MN1: variants seen among roughly 807,000 people sequenced by gnomAD.
MN1 encodes transcriptional activator MN1.
A neutral mutation model predicts 86.9 loss-of-function variants in MN1; 19 were observed. The observed-to-expected ratio is 0.22, with a 90% CI of 0.15 to 0.32. The LOEUF is 0.32. MN1 is among the 10% of genes least tolerant of loss of function. The pLI is 1.00. For synonymous variants in MN1, 928 were observed against 849.6 expected (o/e 1.09, Z -1.60); for missense variants, 1,841 against 1,862.0 (o/e 0.99, Z 0.21).
rs745680315 is a variant in MN1, at chr22:27,749,342, G to A, written c.*1573C>T. 21 of 232,062 alleles carry A rather than the reference G, an allele frequency of 9.0e-5. No homozygotes were observed. Among genetic ancestry groups the A allele is most frequent in the Middle Eastern group, 1.3e-3 (1 of 800 alleles). 14.4% of individuals were successfully genotyped at this position (232,062 alleles called of 1,614,324 possible). A position where few individuals can be genotyped will look rare whatever the true frequency, so the allele number is the denominator to read the frequency against. On this transcript the variant is annotated 3_prime_UTR_variant, in exon 2 of 2. Transcript: ENST00000302326. ...ACTCTGAGGACCTGGAGGGGGTGGG[G>A]GAGCTCAAAGTGGAGCGTTTTAGTA...
In MN1 at chr22:27,798,982, G is replaced by C. The variant is rs1329898903; in HGVS notation, c.1562C>G (p.Ser521Cys). 6.2e-7 allele frequency: 1 copy of C among 1,602,062 alleles called. No homozygotes were observed. Among genetic ancestry groups the C allele is most frequent in the Non-Finnish European group, 8.5e-7 (1 of 1,175,302 alleles). ...CTGCTGCTGCTGCTGCTGTTGCAGG[G>C]ACTGGTGGTCCGGGGCCGGATGCTG... is the stretch of plus-strand genomic sequence containing the variant. ...PLQHPAPDHQ[S>C]LQQQQQQQQQ... The change falls in exon 1 of 2, where the codon TCC (serine) becomes TGC (cysteine). Residue 521 changes from serine to cysteine, a missense_variant. By Grantham distance (112) the Ser-to-Cys change is moderately radical. Transcript: ENST00000302326.
In MN1 at chr22:27,779,329, G is replaced by C. The variant is rs376920799; in HGVS notation, c.3781+17434C>G. On this transcript the variant is annotated intron_variant, in intron 1 of 1. Coordinates refer to ENST00000302326, the MANE Select transcript of MN1 (RefSeq NM_002430.3). The stretch of plus-strand genomic sequence containing the variant: ...GCCACTGGATAGAATAGCTGACTGA[G>C]GATCAGTGAGGCAGCACGGCCTTGC... Among the ~76,000 whole-genome samples, 19 of 152,290 alleles carry C rather than the reference G, an allele frequency of 1.2e-4. 1 individual carries two copies. In the East Asian group the frequency reaches 2.1e-3, roughly 17 times the overall value.
Position 27,798,812 on chromosome 22 carries a change from G to C in MN1, c.1732C>G (p.Leu578Val). 1.3e-6 allele frequency: 2 copies of C among 1,536,968 alleles called. No homozygotes were observed. Among genetic ancestry groups the C allele is most frequent in the Non-Finnish European group, 1.7e-6 (2 of 1,146,350 alleles). ...TGGCCCACGTCCCCGGGGTGGCCTA[G>C]CTGAGCCAGGTTGGGCTGGCGCAGC... The part of the protein sequence containing the change: ...QRLRQPNLAQ[L>V]GHPGDVGQGG... The change falls in exon 1 of 2, where the codon CTA becomes GTA. Residue 578 changes from leucine (L) to valine (V), a missense_variant. Transcript: ENST00000302326.
In MN1 at chr22:27,798,186, C is replaced by A; in HGVS notation, c.2358G>T (p.Pro786=). Reference sequence around the variant, plus strand: ...GGCTGGGCTGGAAATCAGGCTGCGGCGGGTAGGCACCCCCGCCACCGCCGC... The same window carrying A: ...GGCTGGGCTGGAAATCAGGCTGCGGAGGGTAGGCACCCCCGCCACCGCCGC... ...SGGGGGGGAY[P]PQPDFQPSQR... The change falls in exon 1 of 2, where the codon CCG becomes CCT. Residue 786 remains proline (P), a synonymous_variant. Coordinates refer to ENST00000302326, the MANE Select transcript of MN1 (RefSeq NM_002430.3). 1.3e-6 allele frequency: 2 copies of A among 1,553,682 alleles called. No homozygotes were observed. The highest frequency in any genetic ancestry group is 1.4e-5 in the African/African-American group (1 of 73,316).
In MN1 at chr22:27,799,505, G is replaced by A. The variant is rs749119867; in HGVS notation, c.1039C>T (p.Pro347Ser). 1 of 1,452,920 alleles carries A rather than the reference G, an allele frequency of 6.9e-7. No individual in the cohort carries two copies. The allele number at this position is 1,452,920 out of a possible 1,614,324, so 90.0% of individuals were successfully genotyped here. ...TGCTGCGGGGGCTGCTGCTGAGGGG[G>A]TGGCGGGGCCTGCTGGGGAGGCTGC... ...LMQPPQQAPP[P>S]PQQQPPQQPP... Residue 347 changes from proline (P) to serine (S), a missense_variant, in exon 1 of 2, where the codon CCC (proline) becomes TCC (serine). Pro to Ser is a moderately conservative substitution (Grantham distance 74). Transcript: ENST00000302326.
intron 1 of MN1, among the ~76,000 whole-genome samples, chr22:27,791,070 T>C (rs1443280183): frequency 6.6e-6 from 1 of 151,886 alleles, no homozygotes; most frequent in Non-Finnish European, 1.5e-5. Flanking sequence ...TGGATGGAAA[T>C]ACACTCGGCC....
rs1933430026 is a variant in MN1, at chr22:27,801,121, T to C, written c.-578A>G. ...GTCCCCGCGCCCCGCAGCCCGAGCC[T>C]CCACCGAGCACGATCCGCTCGCACA... On this transcript the variant is annotated 5_prime_UTR_variant, in exon 1 of 2. Transcript: ENST00000302326. The C allele has an allele frequency of 4.4e-6, 1 of 224,786 alleles. No homozygotes were observed. Among genetic ancestry groups the C allele is most frequent in the Non-Finnish European group, 8.9e-6 (1 of 112,624 alleles). 13.9% of individuals were successfully genotyped at this position (224,786 alleles called of 1,614,324 possible).
chr22:27,767,264 G>A (rs45606940), intron 1 of MN1, among the ~76,000 whole-genome samples: 5 of 152,166 alleles, frequency 3.3e-5, no homozygotes, highest in East Asian at 1.9e-4. Context: ...CTGAGCCCCC[G>A]GACAGACCTG....
intron 1 of MN1, among the ~76,000 whole-genome samples, chr22:27,792,736 C>T (rs900190924): frequency 1.3e-5 from 2 of 152,040 alleles, no homozygotes; most frequent in Non-Finnish European, 2.9e-5. Context: ...CTTCCGGAGG[C>T]GCAAAAGTCA....
chr22:27,756,124 T>C (rs775034876), intron 1 of MN1, among the ~76,000 whole-genome samples: 125 of 152,316 alleles, frequency 8.2e-4, no homozygotes, highest in East Asian at 4.1e-3. Flanking sequence ...CCTGCAGGGC[T>C]GGGCCCGGGG....
chr22:27,767,295 T>C (rs1027364675), intron 1 of MN1, among the ~76,000 whole-genome samples: 21 of 152,226 alleles, frequency 1.4e-4, no homozygotes, highest in Non-Finnish European at 1.6e-4. Context: ...TTTCAAGGCT[T>C]CCTGGGTGCC....
chr22:27,755,710 G>A (rs942093276), intron 1 of MN1, among the ~76,000 whole-genome samples: 3 of 152,240 alleles, frequency 2.0e-5, no homozygotes, highest in African/African-American at 4.8e-5. Flanking sequence ...TCTGCCCCCT[G>A]CTCACCCCGC....
chr22:27,749,000 C>T lies in MN1; in HGVS notation c.*1915G>A, dbSNP rs145466523. On this transcript the variant is annotated 3_prime_UTR_variant, in exon 2 of 2. Transcript: ENST00000302326. The stretch of plus-strand genomic sequence containing the variant: ...GGTGGGGGGAAATTCCCTTCCCTTT[C>T]CATTCCTTTTGTAGCAGAACGCAGG... The T allele has an allele frequency of 6.7e-4, 155 of 231,612 alleles. No homozygotes were observed. Among genetic ancestry groups the T allele is most frequent in the African/African-American group, 3.2e-3 (147 of 45,366 alleles). 14.3% of individuals were successfully genotyped at this position (231,612 alleles called of 1,614,324 possible).
chr22:27,775,563 G>A (rs957997056), intron 1 of MN1, among the ~76,000 whole-genome samples: 8 of 152,156 alleles, frequency 5.3e-5, no homozygotes, highest in African/African-American at 1.7e-4. Flanking sequence ...ATGCATATGA[G>A]TGGCATCTTG....
intron 1 of MN1, among the ~76,000 whole-genome samples, chr22:27,765,412 GA>G (rs200424278): frequency 0.017 from 1,501 of 86,310 alleles, 20 homozygotes; most frequent in African/African-American, 0.098. Context: ...GTTGCTGTTA[GA>G]AAAAAAAAAG....
intron 1 of MN1, among the ~76,000 whole-genome samples, chr22:27,781,206 C>T (rs941788288): frequency 3.3e-5 from 5 of 152,222 alleles, no homozygotes; most frequent in African/African-American, 9.6e-5. Context: ...GCTGGGATTA[C>T]AAGCATGAGC....
chr22:27,769,399 A>AC (rs1199248425), intron 1 of MN1, among the ~76,000 whole-genome samples: 3 of 151,304 alleles, frequency 2.0e-5, no homozygotes, highest in Admixed American at 2.0e-4. Context: ...TAAAATTCAC[A>AC]CCCCCAGCCT....
chr22:27,754,891 C>G (rs1932792735), intron 1 of MN1, among the ~76,000 whole-genome samples: 1 of 152,198 alleles, frequency 6.6e-6, no homozygotes, highest in South Asian at 2.1e-4. Flanking sequence ...GAGTGCTGTT[C>G]TGTTTTCCAC....
At position 27,750,815 on chromosome 22, in the gene MN1, G is replaced by GC. The variant is rs1932756843; in HGVS notation, c.*99dup. ...AAAACTCATCCACTCAGCAATAGTG[G>GC]CCCTTTCAAATTAACAGAGGGGTGG... is the stretch of plus-strand genomic sequence containing the variant. On this transcript the variant is annotated 3_prime_UTR_variant, in exon 2 of 2. Coordinates refer to ENST00000302326, the MANE Select transcript of MN1 (RefSeq NM_002430.3). The GC allele has an allele frequency of 2.8e-6, 3 of 1,069,892 alleles. No individual in the cohort carries two copies. The African/African-American group carries it at 4.8e-5, about 17-fold the overall frequency. 66.3% of individuals were successfully genotyped at this position (1,069,892 alleles called of 1,614,324 possible).
Sources: gnomAD v4.1 joint callset for allele counts (sites outside exome capture counted in the v4.1 genomes callset) on GRCh38, gnomAD v4.1.1 for gene constraint, MANE v1.5 for transcripts, NCBI Gene and HGNC (gene_info 2026-07-23, HGNC 2026-07-21) for gene names.